The following SLC25A19 variants were observed in gnomAD, a reference collection of about 807,000 sequenced individuals.
The protein encoded by SLC25A19 is mitochondrial thiamine pyrophosphate carrier.
SLC25A19 carries 18 observed loss-of-function variants against 27.9 expected under a neutral mutation model. The observed-to-expected ratio is 0.64, with a 90% confidence interval of 0.45 to 0.96. The LOEUF (loss-of-function observed/expected upper bound fraction) is 0.96, where lower values mean the gene tolerates loss of function less well. Ranked by LOEUF, SLC25A19 falls within the 40% of genes least tolerant of loss-of-function variation. The pLI is 0.00. For missense variants in SLC25A19, 371 were observed against 418.3 expected, an observed-to-expected ratio of 0.89 and a Z score of 0.99; for synonymous variants, 169 against 167.1, an observed-to-expected ratio of 1.01 and a Z score of -0.09.
intron 5 of SLC25A19, among the ~76,000 whole-genome samples, chr17:75,281,044 TAGTC>T (rs1273368631): frequency 2.0e-5 from 3 of 150,594 alleles, no homozygotes; most frequent in African/African-American, 4.9e-5. Context: ...AATAAAAAAT[TAGTC>T]AGGTGTGATG....
chr17:75,276,221 G>T (rs1433463833), intron 7 of SLC25A19, among the ~76,000 whole-genome samples: 4 of 152,224 alleles, frequency 2.6e-5, no homozygotes, highest in African/African-American at 4.8e-5. Flanking sequence ...GTTGCAGTGA[G>T]CCGAGATCGT....
At chr17:75,285,182 C>T (rs1338077623) in intron 4 of SLC25A19, among the ~76,000 whole-genome samples, 1 of 152,154 alleles carries the variant, frequency 6.6e-6, no homozygotes, top group African/African-American at 2.4e-5. Context: ...AGCCATCCTC[C>T]CACCTCAGCC....
At chr17:75,286,488 C>T in intron 3 of SLC25A19, 29 bp from the exon 4 acceptor site, 4 of 1,613,658 alleles carry the variant, frequency 2.5e-6, no homozygotes, top group Non-Finnish European at 3.4e-6. Context: ...AAGGTCAGGA[C>T]AGTGGGGTGG....
intron 2 of SLC25A19, among the ~76,000 whole-genome samples, chr17:75,287,935 G>C (rs1307005610): frequency 2.6e-5 from 4 of 152,130 alleles, no homozygotes; most frequent in Admixed American, 2.6e-4. Flanking sequence ...CCTGAGGTCA[G>C]GAGTTCAAGA....
chr17:75,278,391 C>A lies in SLC25A19; in HGVS notation c.460-56G>T, dbSNP rs774497819. ...CAGTGAAGTGGTTTTAGCCCTGGAA[C>A]AGCCCATCATAGCTCTGTCCCCTCG... On this transcript the variant is annotated intron_variant, in intron 5 of 7. Transcript: ENST00000416858. 317 of 1,598,350 alleles carry A rather than the reference C, an allele frequency of 2.0e-4. 1 individual carries two copies. Among genetic ancestry groups the A allele is most frequent in the Middle Eastern group, 1.7e-3 (10 of 6,042 alleles).
In SLC25A19 at chr17:75,273,595, C is replaced by T. The variant is rs4789164; in HGVS notation, c.819G>A (p.Leu273=). 1,081,444 of 1,613,246 alleles carry T rather than the reference C, an allele frequency of 0.67. 377,145 individuals carry two copies. Among genetic ancestry groups the T allele is most frequent in the East Asian group, 0.88 (39,408 of 44,860 alleles). The part of the protein sequence containing the change: ...KGLMDCAKQV[L]QKEGALGFFK... ...AGAAGCCCAGGGCGCCTTCCTTTTG[C>T]AGCACCTGCTTGGCACAGTCCATGA... The change falls in exon 8 of 8, where the codon CTG becomes CTA. Residue 273 remains leucine, a synonymous_variant. Transcript: ENST00000416858.
Position 75,286,726 on chromosome 17 carries a change from G to A in SLC25A19, c.39C>T (p.Asn13=). ...CAGCCACTGCCACCTGGAACTTGGT[G>A]TTATTCCTGCCATCTGGTTTGGGGT... ...GYDPKPDGRN[N]TKFQVAVAGS... is the part of the protein sequence containing the mutation. The change falls in exon 3 of 8, where the codon AAC becomes AAT. Residue 13 remains asparagine (N), a synonymous_variant. Transcript: ENST00000416858. 6.2e-7 allele frequency: 1 copy of A among 1,614,160 alleles called. No individual in the cohort carries two copies. Among genetic ancestry groups the A allele is most frequent in the Non-Finnish European group, 8.5e-7 (1 of 1,180,034 alleles).
At chr17:75,275,019 C>T (rs1296692151) in intron 7 of SLC25A19, among the ~76,000 whole-genome samples, 6 of 106,328 alleles carry the variant, frequency 5.6e-5, no homozygotes, top group Non-Finnish European at 6.9e-5. Context: ...GACAGAGTCT[C>T]ACTCTGTCGC....
At position 75,286,435 on chromosome 17, in the gene SLC25A19, T is replaced by C. The variant is rs767194729; in HGVS notation, c.157A>G (p.Ser53Gly). The C allele has an allele frequency of 6.2e-7, 1 of 1,614,114 alleles. No individual in the cohort carries two copies. ...FQLQHERLSRSDPSAKYHGIL... is the reference protein window; with the variant it reads ...FQLQHERLSRGDPSAKYHGIL... ...CCATGGTACTTTGCGCTGGGGTCACTGCGAGACAGGCGCTCATGCTGAAGC... is the reference window on the plus strand; with the variant it reads ...CCATGGTACTTTGCGCTGGGGTCACCGCGAGACAGGCGCTCATGCTGAAGC... The change falls in exon 4 of 8, where the codon AGT becomes GGT. Residue 53 changes from serine (S) to glycine (G), a missense_variant. By Grantham distance (56) the Ser-to-Gly change is moderately conservative. Transcript: ENST00000416858.
chr17:75,283,547 A>G lies in SLC25A19; in HGVS notation c.335T>C (p.Val112Ala). Residue 112 changes from valine (V) to alanine (A), a missense_variant, in exon 5 of 8, where the codon GTG becomes GCG. Transcript: ENST00000416858. ...MLTELVHRGS[V>A]YDAREFSVHF... ...CACTGAGAATTCCCGGGCGTCATAC[A>G]CGCTGCCTCTGTGGACCAGCTCCGT... The G allele has an allele frequency of 1.2e-5, 20 of 1,613,716 alleles. No homozygotes were observed. The highest frequency in any genetic ancestry group is 1.7e-5 in the Non-Finnish European group (20 of 1,179,842).
At chr17:75,282,505 G>T (rs757196568) in intron 5 of SLC25A19, among the ~76,000 whole-genome samples, 2 of 151,926 alleles carry the variant, frequency 1.3e-5, no homozygotes, top group Non-Finnish European at 2.9e-5. Flanking sequence ...GCCGAGATCT[G>T]GCCATTGCAT....
At chr17:75,283,741 G>T in intron 4 of SLC25A19, 148 bp from the exon 5 acceptor site, 1 of 761,736 alleles carries the variant, frequency 1.3e-6, no homozygotes, top group South Asian at 1.5e-5. Flanking sequence ...AGCAGTGACA[G>T]CATATGATAA....
rs3214917 is a variant in SLC25A19 at position 75,278,419 on chromosome 17, T to TA, written c.460-85dup. 0.1 allele frequency: 153,275 copies of TA among 1,491,394 alleles called. 11,662 individuals carry two copies. Among genetic ancestry groups the TA allele is most frequent in the African/African-American group, 0.37 (26,747 of 72,014 alleles). 92.4% of individuals were successfully genotyped at this position (1,491,394 alleles called of 1,614,324 possible). A position where few individuals can be genotyped will look rare whatever the true frequency, so the allele number is the denominator to read the frequency against. ...CCCATCATAGCTCTGTCCCCTCGCC[T>TA]AAAATACCAGCTACCAGGAGCGAAA... On this transcript the variant is annotated intron_variant, in intron 5 of 7. Coordinates refer to ENST00000416858, the MANE Select transcript of SLC25A19 (RefSeq NM_001126121.2).
chr17:75,275,044 A>C, intron 7 of SLC25A19, among the ~76,000 whole-genome samples: 1 of 118,152 alleles, frequency 8.5e-6, no homozygotes, highest in African/African-American at 3.4e-5. Context: ...GATGGTGTGC[A>C]GTAGTGTGAT....
intron 6 of SLC25A19, 151 bp from the exon 7 acceptor site, chr17:75,277,634 AGGAATGTAATCTAGG>A: frequency 1.1e-6 from 1 of 927,378 alleles, no homozygotes; most frequent in Non-Finnish European, 1.7e-6. Flanking sequence ...CATTCCAAAA[AGGAATGTAATCTAGG>A]GGGAGAAGAG....
chr17:75,276,587 A>G (rs8079800), intron 7 of SLC25A19, among the ~76,000 whole-genome samples: 115,257 of 148,744 alleles, frequency 0.77, 47,111 homozygotes, highest in East Asian at 1. Context: ...AGGCTGGTCT[A>G]GAACTCCTGA....
At chr17:75,288,801 T>A (rs1335845061) in intron 1 of SLC25A19, among the ~76,000 whole-genome samples, 1 of 151,994 alleles carries the variant, frequency 6.6e-6, no homozygotes, top group East Asian at 1.9e-4. Flanking sequence ...ATTCCTTTTC[T>A]CCTCTCACCC....
At chr17:75,283,670 C>A in intron 4 of SLC25A19, 77 bp from the exon 5 acceptor site, 1 of 1,463,252 alleles carries the variant, frequency 6.8e-7, no homozygotes, top group South Asian at 1.2e-5. Context: ...AATACATCAC[C>A]CGTGACCCGG....
Position 75,273,335 on chromosome 17 carries a change from C to T in SLC25A19, c.*116G>A, listed in dbSNP as rs764195323. ...CAGCTGGGTGGGTTCAAGGCTGCTA[C>T]CCCGCTTGGGGCAGCTGGCCTGCAG... On this transcript the variant is annotated 3_prime_UTR_variant, in exon 8 of 8. Transcript: ENST00000416858. The T allele has an allele frequency of 5.7e-6, 7 of 1,222,566 alleles. No individual in the cohort carries two copies. Among genetic ancestry groups the T allele is most frequent in the Non-Finnish European group, 6.9e-6 (6 of 864,528 alleles). 75.7% of individuals were successfully genotyped at this position (1,222,566 alleles called of 1,614,324 possible). A position where few individuals can be genotyped will look rare whatever the true frequency, so the allele number is the denominator to read the frequency against.
Sources: allele counts gnomAD v4.1 joint callset (sites outside exome capture counted in the v4.1 genomes callset), GRCh38; gene constraint gnomAD v4.1.1; transcripts MANE v1.5; gene names NCBI Gene and HGNC (gene_info 2026-07-23, HGNC 2026-07-21).